The following VPS13C variants were observed in gnomAD, a reference collection of about 807,000 sequenced individuals.
VPS13C encodes vacuolar protein sorting 13 homolog C.
In VPS13C, 358 loss-of-function variants were observed where a neutral mutation model predicts 456.8. The ratio of observed to expected loss-of-function variants is 0.78; its 90% CI spans 0.72 to 0.86. The LOEUF is 0.86. Ranked by LOEUF, VPS13C falls within the 40% of genes least tolerant of loss-of-function variation. VPS13C has a pLI of 0.00. For missense variants in VPS13C, 4,818 were observed against 4,385.4 expected (o/e 1.10, Z -2.79); for synonymous variants, 1,578 against 1,486.7 (o/e 1.06, Z -1.41).
chr15:61,912,469 T>C (rs1331663252), intron 62 of VPS13C, among the ~76,000 whole-genome samples: 2 of 152,132 alleles, frequency 1.3e-5, no homozygotes, highest in African/African-American at 4.8e-5. Flanking sequence ...GATTCTAGCA[T>C]ACTGTGAATA....
chr15:61,929,439 C>A, intron 51 of VPS13C, 62 bp downstream of exon 51: 1 of 1,526,598 alleles, frequency 6.6e-7, no homozygotes, highest in Non-Finnish European at 8.8e-7. Flanking sequence ...TCTCTTTTTT[C>A]TGGTTTGTAA....
Position 61,964,076 on chromosome 15 carries a change from T to A in VPS13C, c.3215-125A>T, listed in dbSNP as rs568891372. The A allele has an allele frequency of 2.2e-5, 12 of 536,816 alleles. No individual in the cohort carries two copies. In the East Asian group the frequency reaches 3.1e-4, roughly 14 times the overall value. 33.3% of individuals were successfully genotyped at this position (536,816 alleles called of 1,614,324 possible). A position where few individuals can be genotyped will look rare whatever the true frequency, so the allele number is the denominator to read the frequency against. On this transcript the variant is annotated intron_variant, in intron 31 of 84. Transcript: ENST00000644861. ...AAAAAATTATAACATTCTCCAACTC[T>A]TAAAGATTCAAACACTTTTTTTGCT...
In VPS13C at chr15:61,880,635, C is replaced by T; in HGVS notation, c.9976G>A (p.Glu3326Lys). ...MTDMSILSFF[E>K]HFHISPVKLH... ...TTCACAGGAGAAATATGGAAATGTTCAAAGAAACTAAGAATTGACATATCA... is the reference window on the plus strand; with the variant it reads ...TTCACAGGAGAAATATGGAAATGTTTAAAGAAACTAAGAATTGACATATCA... The change falls in exon 73 of 85, where the codon GAA becomes AAA. Residue 3326 changes from glutamate to lysine, a missense_variant. Glu to Lys is a moderately conservative substitution (Grantham distance 56). This residue lies in a region of VPS13C where 4,552 missense variants were observed against 4,130.6 expected (regional missense o/e 1.10). Transcript: ENST00000644861. The T allele has an allele frequency of 6.3e-7, 1 of 1,588,912 alleles. No homozygotes were observed. The highest frequency in any genetic ancestry group is 8.6e-7 in the Non-Finnish European group (1 of 1,169,168).
At chr15:61,900,014 CAT>C (rs1445352052) in intron 66 of VPS13C, among the ~76,000 whole-genome samples, 1 of 152,224 alleles carries the variant, frequency 6.6e-6, no homozygotes, top group Non-Finnish European at 1.5e-5. Context: ...ACAAAAACCA[CAT>C]GATTGTCTCA....
chr15:61,855,555 T>G (rs1893857268), intron 83 of VPS13C, among the ~76,000 whole-genome samples: 1 of 152,084 alleles, frequency 6.6e-6, no homozygotes, highest in Non-Finnish European at 1.5e-5. Flanking sequence ...AATTAAAGGG[T>G]AACAGTACTC....
intron 65 of VPS13C, 47 bp from the exon 66 acceptor site, chr15:61,907,437 G>A: frequency 6.3e-7 from 1 of 1,598,034 alleles, no homozygotes; most frequent in Non-Finnish European, 8.5e-7. Context: ...TTGGAGATAA[G>A]AAACCCAAAC....
At chr15:61,875,574 C>G (rs574430089) in intron 76 of VPS13C, among the ~76,000 whole-genome samples, 158 bp downstream of exon 76, 1 of 152,044 alleles carries the variant, frequency 6.6e-6, no homozygotes, top group Non-Finnish European at 1.5e-5. Flanking sequence ...AATGTTATCT[C>G]ATGTACCTTT....
intron 81 of VPS13C, chr15:61,866,932 G>C: frequency 1.0e-6 from 1 of 984,458 alleles, no homozygotes; most frequent in Non-Finnish European, 1.2e-6. Flanking sequence ...CTGAGGAGAA[G>C]CATGAAAGTT....
intron 67 of VPS13C, among the ~76,000 whole-genome samples, chr15:61,886,092 T>C (rs1896248063): frequency 6.6e-6 from 1 of 152,186 alleles, no homozygotes; most frequent in Non-Finnish European, 1.5e-5. Context: ...GATACATTTC[T>C]TTAGCTGCTG....
chr15:61,886,162 A>C (rs1218132611), intron 67 of VPS13C, among the ~76,000 whole-genome samples: 1 of 152,148 alleles, frequency 6.6e-6, no homozygotes. Context: ...CTTAGCTAAC[A>C]AGTAAGTCAC....
chr15:61,950,842 T>C, intron 40 of VPS13C, 103 bp downstream of exon 40: 1 of 786,242 alleles, frequency 1.3e-6, no homozygotes, highest in African/African-American at 1.8e-5. Flanking sequence ...TCAATAAGTT[T>C]AGGTAGAAAA....
Position 61,927,150 on chromosome 15 carries a change from C to G in VPS13C, c.6457G>C (p.Asp2153His), listed in dbSNP as rs138875838. The change falls in exon 52 of 85, where the codon GAT becomes CAT. Residue 2153 changes from aspartate (D) to histidine (H), a missense_variant. Physicochemically the swap from Asp to His is moderately conservative, Grantham distance 81. Transcript: ENST00000644861. ...AAAGGGCAAGCGAGCACTTTCAGAT[C>G]TCTCACAGAAGCTTCCATCATCTGT... Reference protein sequence around the residue: ...LEQMMEASVRDLKVLACPFLR... With the variant: ...LEQMMEASVRHLKVLACPFLR... 9.9e-6 allele frequency: 16 copies of G among 1,614,200 alleles called. 1 individual carries two copies. Among genetic ancestry groups the G allele is most frequent in the Middle Eastern group, 3.3e-4 (2 of 6,062 alleles).
rs138684779 is a variant in VPS13C, at chr15:61,941,959, G to A, written c.5257C>T (p.Arg1753Cys). 2.7e-5 allele frequency: 43 copies of A among 1,613,782 alleles called. No individual in the cohort carries two copies. The highest frequency in any genetic ancestry group is 1.3e-4 in the East Asian group (6 of 44,872). Residue 1753 changes from arginine to cysteine, a missense_variant, in exon 46 of 85, where the codon CGC becomes TGC. This residue lies in a region of VPS13C where 4,552 missense variants were observed against 4,130.6 expected (regional missense o/e 1.10). Coordinates refer to ENST00000644861, the MANE Select transcript of VPS13C (RefSeq NM_020821.3). ...TTCAAATTAATATCCATCAAAAGGC[G>A]GAAACTCTTTTGAGCCAAGTCTTTC... The part of the protein sequence containing the change: ...SMKDLAQKSF[R>C]LLMDINLKAP...
chr15:61,951,823 C>T lies in VPS13C; in HGVS notation c.4456+1G>A, dbSNP rs1234828342. On this transcript the variant is annotated splice_donor_variant, in intron 39 of 84. Coordinates refer to ENST00000644861, the MANE Select transcript of VPS13C (RefSeq NM_020821.3). LOFTEE classifies it high-confidence loss of function. ...TTACACAGACAATATTTCACACTTACCAGTGAAATCAAAGCACTGCATACT... is the reference window on the plus strand; with the variant it reads ...TTACACAGACAATATTTCACACTTATCAGTGAAATCAAAGCACTGCATACT... 5.0e-6 allele frequency: 8 copies of T among 1,606,590 alleles called. No homozygotes were observed. Among genetic ancestry groups the T allele is most frequent in the Non-Finnish European group, 6.8e-6 (8 of 1,176,406 alleles).
chr15:61,987,721 T>C (rs2046098777), intron 18 of VPS13C, among the ~76,000 whole-genome samples: 2 of 152,182 alleles, frequency 1.3e-5, no homozygotes, highest in Admixed American at 6.6e-5. Flanking sequence ...CTAAAATGGC[T>C]AAAATTAAAA....
chr15:61,921,942 C>T lies in VPS13C; in HGVS notation c.7062+5G>A, dbSNP rs757472297. On this transcript the variant is annotated splice_donor_5th_base_variant and intron_variant, in intron 55 of 84. Coordinates refer to ENST00000644861, the MANE Select transcript of VPS13C (RefSeq NM_020821.3). ...CTATCCAAAGATATTTTAAGATTTCCTTACATCAAGCCTTAAATTCCATTG... is the reference window on the plus strand; with the variant it reads ...CTATCCAAAGATATTTTAAGATTTCTTTACATCAAGCCTTAAATTCCATTG... 3 of 1,611,612 alleles carry T rather than the reference C, an allele frequency of 1.9e-6. No homozygotes were observed. Among genetic ancestry groups the T allele is most frequent in the Non-Finnish European group, 2.5e-6 (3 of 1,178,244 alleles).
chr15:62,040,792 C>T (rs2048216359), intron 3 of VPS13C, among the ~76,000 whole-genome samples: 1 of 152,012 alleles, frequency 6.6e-6, no homozygotes. Flanking sequence ...GATTAAATTT[C>T]CTATTGAAAA....
chr15:61,956,366 T>C (rs1057224728), intron 37 of VPS13C, among the ~76,000 whole-genome samples: 2 of 151,946 alleles, frequency 1.3e-5, no homozygotes, highest in African/African-American at 4.8e-5. Flanking sequence ...AAAAACTACC[T>C]ATCAGGTACT....
intron 9 of VPS13C, among the ~76,000 whole-genome samples, chr15:62,019,396 G>T (rs1287375634): frequency 6.6e-6 from 1 of 152,020 alleles, no homozygotes; most frequent in African/African-American, 2.4e-5. Flanking sequence ...GTCAATTTTA[G>T]ATCCTTCCTG....
Sources: allele counts gnomAD v4.1 joint callset (sites outside exome capture counted in the v4.1 genomes callset), GRCh38; gene constraint gnomAD v4.1.1; regional missense constraint gnomAD v4.1.1; transcripts MANE v1.5; gene names NCBI Gene and HGNC (gene_info 2026-07-23, HGNC 2026-07-21).